Variants in STPG2 observed in about 807,000 individuals in gnomAD.
STPG2 encodes the protein sperm tail PG-rich repeat containing 2, also known as sperm-tail PG-rich repeat-containing protein 2.
A neutral mutation model predicts 54.2 loss-of-function variants in STPG2; 56 were observed. That is an observed-to-expected ratio of 1.03 (90% CI 0.83 to 1.29). The LOEUF is 1.29. Ranked by LOEUF, STPG2 falls within the 50% of genes most tolerant of loss-of-function variation. The pLI is 0.00. For synonymous variants in STPG2, 200 were observed against 181.8 expected, an observed-to-expected ratio of 1.10 and a Z score of -0.81; for missense variants, 596 against 544.9, an observed-to-expected ratio of 1.09 and a Z score of -0.93.
chr4:97,547,658 T>A (rs1421149710), intron 4 of STPG2, among the ~76,000 whole-genome samples: 8 of 151,996 alleles, frequency 5.3e-5, no homozygotes, highest in African/African-American at 1.9e-4. Flanking sequence ...GGTAGGTGAT[T>A]ATGGGTAAGG....
At chr4:97,872,683 G>T (rs1037833973) in intron 8 of STPG2, among the ~76,000 whole-genome samples, 1 of 151,210 alleles carries the variant, frequency 6.6e-6, no homozygotes, top group African/African-American at 2.4e-5. Flanking sequence ...AAACATGACA[G>T]ATCATAGGTT....
At chr4:98,084,239 T>C (rs1196391748) in intron 5 of STPG2, among the ~76,000 whole-genome samples, 1 of 152,186 alleles carries the variant, frequency 6.6e-6, no homozygotes, top group East Asian at 1.9e-4. Flanking sequence ...CAAGAGTATA[T>C]TTTTGAGATT....
At chr4:97,859,399 T>G (rs761785055) in intron 8 of STPG2, among the ~76,000 whole-genome samples, 3 of 152,104 alleles carry the variant, frequency 2.0e-5, no homozygotes, top group Admixed American at 2.0e-4. Flanking sequence ...GTGTATAAAT[T>G]TTTAGTTTAA....
intron 10 of STPG2, among the ~76,000 whole-genome samples, chr4:97,575,036 G>GA (rs963261810): frequency 7.3e-5 from 11 of 150,124 alleles, no homozygotes; most frequent in Non-Finnish European, 1.2e-4. Context: ...AGACAATTCA[G>GA]AAAAAAAAAT....
intron 8 of STPG2, among the ~76,000 whole-genome samples, chr4:97,848,859 A>C (rs1403264002): frequency 6.7e-6 from 1 of 149,902 alleles, no homozygotes; most frequent in South Asian, 2.1e-4. Flanking sequence ...ATTGATCTAT[A>C]TCTCTGTTTT....
chr4:98,043,701 T>G (rs1737035063), intron 5 of STPG2, among the ~76,000 whole-genome samples: 1 of 152,168 alleles, frequency 6.6e-6, no homozygotes, highest in Non-Finnish European at 1.5e-5. Context: ...TTCATCTTTT[T>G]TCTTTAATAA....
chr4:97,886,523 C>A (rs1730574991), intron 8 of STPG2, among the ~76,000 whole-genome samples: 1 of 152,098 alleles, frequency 6.6e-6, no homozygotes. Flanking sequence ...TTCAAAAAGC[C>A]AAAATGAATG....
Position 97,720,127 on chromosome 4 carries a change from T to A in STPG2, c.1205-7313A>T, listed in dbSNP as rs562889510. 2.2e-4 allele frequency among the ~76,000 whole-genome samples: 33 copies of A among 152,148 alleles called. No homozygotes were observed. The East Asian group carries it at 6.2e-3, about 28-fold the overall frequency. On this transcript the variant is annotated intron_variant, in intron 9 of 10. Transcript: ENST00000295268. ...GCTTGCAAGTATATTTTCATCTCTA[T>A]GTTATTTTAGCCTATTATTTCTAGA...
At chr4:97,452,233 C>T (rs906185087) in intron 4 of STPG2, among the ~76,000 whole-genome samples, 2 of 151,760 alleles carry the variant, frequency 1.3e-5, no homozygotes, top group East Asian at 2.0e-4. Flanking sequence ...CATGCCCTCA[C>T]AGGCTCAGAA....
At chr4:97,597,438 T>C (rs1421736600) in intron 10 of STPG2, among the ~76,000 whole-genome samples, 1 of 152,068 alleles carries the variant, frequency 6.6e-6, no homozygotes, top group African/African-American at 2.4e-5. Flanking sequence ...TACCAAAACC[T>C]GGCAGAGATT....
At chr4:97,498,731 C>T (rs1452166803) in intron 4 of STPG2, among the ~76,000 whole-genome samples, 2 of 151,488 alleles carry the variant, frequency 1.3e-5, no homozygotes, top group Non-Finnish European at 2.9e-5. Flanking sequence ...TTATTTTTAA[C>T]TATTGCTTCA....
At chr4:97,968,549 C>T (rs1396273169) in intron 7 of STPG2, among the ~76,000 whole-genome samples, 1 of 152,142 alleles carries the variant, frequency 6.6e-6, no homozygotes, top group African/African-American at 2.4e-5. Context: ...AAAATACTGG[C>T]AAACCAAATC....
intron 10 of STPG2, among the ~76,000 whole-genome samples, chr4:97,680,529 G>C (rs554413530): frequency 2.6e-5 from 4 of 152,188 alleles, no homozygotes; most frequent in Admixed American, 2.6e-4. Context: ...GAGATTTTGG[G>C]CTGAGACAAT....
In STPG2 at chr4:97,942,110, A is replaced by G. The variant is rs193081965; in HGVS notation, c.1044+1787T>C. Among the ~76,000 whole-genome samples, 382 of 151,372 alleles carry G rather than the reference A, an allele frequency of 2.5e-3. 3 individuals carry two copies. Among genetic ancestry groups the G allele is most frequent in the African/African-American group, 8.7e-3 (358 of 41,370 alleles). ...ACTACAAAGTTTAACATATATATGT[A>G]TAGATACGTTTTAAATATATATATG... On this transcript the variant is annotated intron_variant, in intron 8 of 10. Coordinates refer to ENST00000295268, the MANE Select transcript of STPG2 (RefSeq NM_174952.3).
At chr4:98,033,746 A>G (rs1560647340) in intron 5 of STPG2, among the ~76,000 whole-genome samples, 1 of 152,210 alleles carries the variant, frequency 6.6e-6, no homozygotes, top group South Asian at 2.1e-4. Context: ...CAAAAAGCTT[A>G]TCCACCACGA....
intron 8 of STPG2, among the ~76,000 whole-genome samples, chr4:97,886,793 C>T (rs764672084): frequency 5.3e-5 from 8 of 152,138 alleles, no homozygotes; most frequent in South Asian, 2.1e-4. Flanking sequence ...CAGTATTGGA[C>T]GTGGGGTCTG....
At chr4:97,913,041 C>T (rs1578683915) in intron 8 of STPG2, among the ~76,000 whole-genome samples, 1 of 152,212 alleles carries the variant, frequency 6.6e-6, no homozygotes, top group East Asian at 1.9e-4. Flanking sequence ...GTCTATCTTC[C>T]AAGAATGCTA....
intron 1 of STPG2, among the ~76,000 whole-genome samples, chr4:98,139,276 A>C (rs761931848): frequency 1.9e-4 from 29 of 152,198 alleles, no homozygotes; most frequent in African/African-American, 1.4e-4. Context: ...AAATGTAGAG[A>C]CAATACCCTG....
intron 10 of STPG2, among the ~76,000 whole-genome samples, chr4:97,694,110 G>C (rs1226244214): frequency 6.6e-6 from 1 of 151,982 alleles, no homozygotes; most frequent in Non-Finnish European, 1.5e-5. Flanking sequence ...AGGAACTAGA[G>C]AAGTAAGAAC....
Sources: allele counts gnomAD v4.1 joint callset (sites outside exome capture counted in the v4.1 genomes callset), GRCh38; gene constraint gnomAD v4.1.1; transcripts MANE v1.5; gene names NCBI Gene and HGNC (gene_info 2026-07-23, HGNC 2026-07-21).